Variants in CSMD1 observed in about 807,000 individuals in gnomAD.
CSMD1 encodes the protein CUB and Sushi multiple domains 1.
Under a neutral mutation model 417.5 loss-of-function variants are expected in CSMD1, and 213 were observed. The observed-to-expected ratio is 0.51, with a 90% CI of 0.46 to 0.57. The LOEUF (loss-of-function observed/expected upper bound fraction) is 0.57, where lower values mean the gene tolerates loss of function less well. Ranked by LOEUF, CSMD1 falls within the 20% of genes least tolerant of loss-of-function variation. CSMD1 has a pLI of 0.00. For missense variants in CSMD1, 6,923 were observed against 4,529.7 expected (o/e 1.53, Z -15.17); for synonymous variants, 2,862 against 1,736.8 (o/e 1.65, Z -16.11).
intron 26 of CSMD1, among the ~76,000 whole-genome samples, chr8:3,251,476 A>G (rs1800252630): frequency 6.6e-6 from 1 of 152,146 alleles, no homozygotes. Context: ...GCCTTGTAGT[A>G]TAGTTTGAAG....
Position 3,772,477 on chromosome 8 carries a change from A to T in CSMD1, c.819-18435T>A, listed in dbSNP as rs1419933398. On this transcript the variant is annotated intron_variant, in intron 5 of 69. Coordinates refer to ENST00000635120, the MANE Select transcript of CSMD1 (RefSeq NM_033225.6). ...TATATATACATATATACACATATAT[A>T]TACATATATACACATATATACATAT... 3.8e-4 allele frequency among the ~76,000 whole-genome samples: 20 copies of T among 52,172 alleles called. 3 individuals carry two copies. The highest frequency in any genetic ancestry group is 9.9e-4 in the African/African-American group (15 of 15,110). The allele number at this position is 52,172 out of a possible 152,430, so 34.2% of individuals were successfully genotyped here.
At chr8:4,109,593 T>C (rs552365811) in intron 3 of CSMD1, among the ~76,000 whole-genome samples, 1 of 152,282 alleles carries the variant, frequency 6.6e-6, no homozygotes, top group East Asian at 1.9e-4. Flanking sequence ...CGCAGGAGCA[T>C]TTGCCTTTGG....
chr8:3,327,824 C>T (rs777354910), intron 23 of CSMD1, among the ~76,000 whole-genome samples: 5 of 152,006 alleles, frequency 3.3e-5, no homozygotes, highest in Non-Finnish European at 5.9e-5. Flanking sequence ...CCTTTAGCTC[C>T]GGGTCCTCAT....
chr8:3,095,969 C>T (rs900504846), intron 47 of CSMD1, among the ~76,000 whole-genome samples: 1 of 152,158 alleles, frequency 6.6e-6, no homozygotes, highest in Non-Finnish European at 1.5e-5. Flanking sequence ...ACTTGAAAAA[C>T]TCCTGTAGCA....
At chr8:4,806,669 T>G (rs989270395) in intron 1 of CSMD1, among the ~76,000 whole-genome samples, 11 of 152,214 alleles carry the variant, frequency 7.2e-5, no homozygotes, top group Non-Finnish European at 1.2e-4. Flanking sequence ...AAGAAGCATT[T>G]GAACCATGGT....
intron 23 of CSMD1, among the ~76,000 whole-genome samples, chr8:3,317,039 GC>G (rs1444393026): frequency 1.3e-5 from 2 of 152,084 alleles, no homozygotes; most frequent in African/African-American, 4.8e-5. Context: ...TGCAAATTGA[GC>G]CTGAGTGAGA....
At chr8:3,436,325 T>G (rs71521857) in intron 12 of CSMD1, among the ~76,000 whole-genome samples, 2 of 152,196 alleles carry the variant, frequency 1.3e-5, no homozygotes, top group African/African-American at 2.4e-5. Flanking sequence ...GTCCATGCCT[T>G]AGAAGCCATG....
intron 1 of CSMD1, among the ~76,000 whole-genome samples, chr8:4,647,722 T>C (rs1486566626): frequency 2.6e-5 from 4 of 152,208 alleles, no homozygotes; most frequent in Non-Finnish European, 5.9e-5. Context: ...GCTTCATCCA[T>C]GTCCCTGCAA....
intron 3 of CSMD1, among the ~76,000 whole-genome samples, chr8:4,210,433 A>G (rs11784925): frequency 0.11 from 17,501 of 152,234 alleles, 1,467 homozygotes; most frequent in African/African-American, 0.23. Flanking sequence ...AATCTCAGTC[A>G]TTTTAAACAA....
At chr8:3,885,298 C>A (rs1368225064) in intron 5 of CSMD1, among the ~76,000 whole-genome samples, 6 of 152,006 alleles carry the variant, frequency 3.9e-5, no homozygotes, top group Non-Finnish European at 8.8e-5. Context: ...ATCAATCTGA[C>A]CTTTTCAGGG....
intron 3 of CSMD1, among the ~76,000 whole-genome samples, chr8:4,238,526 G>GAC (rs2128819801): frequency 6.6e-6 from 1 of 152,330 alleles, no homozygotes; most frequent in South Asian, 2.1e-4. Context: ...CCCATGGTCA[G>GAC]ACAGGCTTGA....
chr8:4,151,811 C>G (rs994299564), intron 3 of CSMD1, among the ~76,000 whole-genome samples: 4 of 152,090 alleles, frequency 2.6e-5, no homozygotes, highest in Non-Finnish European at 4.4e-5. Flanking sequence ...AATAATTGTT[C>G]GAAGTTTTTT....
At chr8:3,650,822 G>T (rs2469401) in intron 7 of CSMD1, among the ~76,000 whole-genome samples, 1 of 151,928 alleles carries the variant, frequency 6.6e-6, no homozygotes, top group Admixed American at 6.6e-5. Flanking sequence ...TCAAACACTG[G>T]TTATACCATC....
intron 27 of CSMD1, among the ~76,000 whole-genome samples, chr8:3,229,625 C>T (rs894451940): frequency 5.9e-5 from 9 of 152,002 alleles, no homozygotes; most frequent in Non-Finnish European, 8.8e-5. Flanking sequence ...GTACTAATAT[C>T]ATAGGGGGAA....
At chr8:4,290,866 G>C (rs1439470698) in intron 3 of CSMD1, among the ~76,000 whole-genome samples, 2 of 152,104 alleles carry the variant, frequency 1.3e-5, no homozygotes, top group African/African-American at 4.8e-5. Context: ...TGTTTCTTGT[G>C]ACTCATCATC....
chr8:4,012,931 T>A (rs535143117), intron 4 of CSMD1, among the ~76,000 whole-genome samples: 57 of 152,254 alleles, frequency 3.7e-4, no homozygotes, highest in South Asian at 1.2e-3. Flanking sequence ...TTAAACAGCA[T>A]TCTGAGTCCA....
chr8:3,418,397 T>G (rs1429684698), intron 12 of CSMD1, among the ~76,000 whole-genome samples: 1 of 152,220 alleles, frequency 6.6e-6, no homozygotes, highest in Non-Finnish European at 1.5e-5. Flanking sequence ...AGAACTTTGT[T>G]GGTGATCCTG....
intron 9 of CSMD1, among the ~76,000 whole-genome samples, chr8:3,575,514 G>A (rs960939673): frequency 6.6e-6 from 1 of 152,146 alleles, no homozygotes; most frequent in Non-Finnish European, 1.5e-5. Context: ...TACCATCTCA[G>A]CTACGTCTTA....
intron 6 of CSMD1, among the ~76,000 whole-genome samples, chr8:3,716,606 T>G (rs911441356): frequency 6.6e-6 from 1 of 152,126 alleles, no homozygotes; most frequent in Non-Finnish European, 1.5e-5. Context: ...GCAACCTATT[T>G]CATCAGGAAG....
Sources: gnomAD v4.1 joint callset for allele counts (sites outside exome capture counted in the v4.1 genomes callset) on GRCh38, gnomAD v4.1.1 for gene constraint, MANE v1.5 for transcripts, NCBI Gene and HGNC (gene_info 2026-07-23, HGNC 2026-07-21) for gene names.